The following ZNF708 variants were observed in gnomAD, a reference collection of about 807,000 sequenced individuals.
ZNF708 encodes ZNF15, ZNF15L1.
Under a neutral mutation model 47.0 loss-of-function variants are expected in ZNF708, and 44 were observed. The observed-to-expected ratio is 0.94, with a 90% CI of 0.74 to 1.20. The LOEUF (loss-of-function observed/expected upper bound fraction) is 1.20. ZNF708 is among the 50% of genes most tolerant of loss of function. The pLI is 0.00. For missense variants in ZNF708, 557 were observed against 656.0 expected, an observed-to-expected ratio of 0.85 and a Z score of 1.65; for synonymous variants, 184 against 218.5, an observed-to-expected ratio of 0.84 and a Z score of 1.39.
intron 1 of ZNF708, among the ~76,000 whole-genome samples, chr19:21,324,135 T>C (rs959737292): frequency 2.0e-5 from 3 of 151,786 alleles, no homozygotes; most frequent in Admixed American, 1.3e-4. Flanking sequence ...TCCCTGCTAC[T>C]GGGTAGGCTG....
chr19:21,329,063 A>C, intron 1 of ZNF708, 147 bp downstream of exon 1: 4 of 1,241,794 alleles, frequency 3.2e-6, no homozygotes, highest in Non-Finnish European at 4.6e-6. Context: ...CTTATGGCTG[A>C]AGGGGACTGA....
chr19:21,294,869 CA>C, intron 3 of ZNF708, 130 bp from the exon 4 acceptor site: 4 of 898,274 alleles, frequency 4.5e-6, no homozygotes, highest in Non-Finnish European at 6.3e-6. Flanking sequence ...CCTTTATAGA[CA>C]TATAAATGTA....
rs1972398773 is a variant in ZNF708 at position 21,291,741 on chromosome 19, T to G, written c.*1533A>C. 6.6e-6 allele frequency: 1 copy of G among 152,134 alleles called. No homozygotes were observed. The highest frequency in any genetic ancestry group is 2.1e-4 in the South Asian group (1 of 4,794). The allele number at this position is 152,134 out of a possible 1,614,324, so 9.4% of individuals were successfully genotyped here. ...TCAGCCGGACGTGGTGGTGTGCACC[T>G]GTAATCTCAGCTACTCAGTAGGCTG... On this transcript the variant is annotated 3_prime_UTR_variant, in exon 4 of 4. Transcript: ENST00000356929.
intron 2 of ZNF708, among the ~76,000 whole-genome samples, 192 bp from the exon 3 acceptor site, chr19:21,309,533 C>T (rs987895641): frequency 1.3e-5 from 2 of 151,950 alleles, no homozygotes; most frequent in African/African-American, 4.8e-5. Context: ...CATGGCAAAA[C>T]CTTGTCTCTA....
intron 2 of ZNF708, 23 bp downstream of exon 2, chr19:21,310,476 TAA>T (rs34067558): frequency 1.2e-3 from 1,213 of 1,019,110 alleles, no homozygotes; most frequent in Middle Eastern, 2.6e-3. Context: ...TAATAAAAAT[TAA>T]AAAAAAAAAA....
chr19:21,309,538 T>C (rs1599679347), intron 2 of ZNF708, among the ~76,000 whole-genome samples, 197 bp from the exon 3 acceptor site: 1 of 151,930 alleles, frequency 6.6e-6, no homozygotes, highest in African/African-American at 2.4e-5. Flanking sequence ...CAAAACCTTG[T>C]CTCTACTGAA....
At chr19:21,316,000 C>T (rs1247356446) in intron 1 of ZNF708, among the ~76,000 whole-genome samples, 4 of 146,914 alleles carry the variant, frequency 2.7e-5, no homozygotes, top group Admixed American at 6.9e-5. Context: ...ACCTGGGAGG[C>T]GGAGATTGCA....
At chr19:21,316,133 C>CTTTTTTTTTTTTTTTT (rs544312163) in intron 1 of ZNF708, among the ~76,000 whole-genome samples, 1 of 105,488 alleles carries the variant, frequency 9.5e-6, no homozygotes, top group Non-Finnish European at 1.8e-5. Flanking sequence ...TTTCTTTTTT[C>CTTTTTTTTTTTTTTTT]TTTTTTTTTT....
chr19:21,313,300 A>C (rs1055586437), intron 1 of ZNF708, among the ~76,000 whole-genome samples: 9 of 151,744 alleles, frequency 5.9e-5, no homozygotes, highest in Admixed American at 3.9e-4. Context: ...AAAAAAAAAA[A>C]AAAAAGTATG....
At position 21,294,506 on chromosome 19, in the gene ZNF708, T is replaced by G. The variant is rs774462730; in HGVS notation, c.460A>C (p.Asn154His). The G allele has an allele frequency of 6.2e-7, 1 of 1,614,044 alleles. No individual in the cohort carries two copies. The highest frequency in any genetic ancestry group is 1.3e-5 in the African/African-American group (1 of 74,948). Reference protein sequence around the residue: ...KYVKVFHKYSNAKRHKIRHTG... With the variant: ...KYVKVFHKYSHAKRHKIRHTG... Reference sequence around the variant, plus strand: ...TGTCTTATCTTATGTCTCTTTGCATTTGAATATTTATGAAAGACTTTCACG... The same window carrying G: ...TGTCTTATCTTATGTCTCTTTGCATGTGAATATTTATGAAAGACTTTCACG... The change falls in exon 4 of 4, where the codon AAT becomes CAT. Residue 154 changes from asparagine to histidine, a missense_variant. By Grantham distance (68) the Asn-to-His change is moderately conservative. Coordinates refer to ENST00000356929, the MANE Select transcript of ZNF708 (RefSeq NM_021269.3).
intron 3 of ZNF708, among the ~76,000 whole-genome samples, chr19:21,296,992 G>C (rs1397952735): frequency 6.6e-6 from 1 of 151,288 alleles, no homozygotes; most frequent in African/African-American, 2.4e-5. Flanking sequence ...AATTAGCTGG[G>C]CGTGGTGGTG....
At chr19:21,307,547 G>T (rs539905406) in intron 3 of ZNF708, among the ~76,000 whole-genome samples, 8 of 152,162 alleles carry the variant, frequency 5.3e-5, no homozygotes, top group African/African-American at 1.9e-4. Flanking sequence ...ACTTGAACCC[G>T]GGAGGCGGAG....
At chr19:21,303,824 TATA>T (rs1411245957) in intron 3 of ZNF708, among the ~76,000 whole-genome samples, 1 of 151,806 alleles carries the variant, frequency 6.6e-6, no homozygotes, top group Non-Finnish European at 1.5e-5. Context: ...ATTGATATTA[TATA>T]ATAATAAAAT....
chr19:21,320,124 C>T (rs1599688751), intron 1 of ZNF708, among the ~76,000 whole-genome samples: 1 of 151,820 alleles, frequency 6.6e-6, no homozygotes, highest in Non-Finnish European at 1.5e-5. Context: ...TGAAGTAGGC[C>T]AAGATCATGC....
At chr19:21,305,447 A>T (rs994153357) in intron 3 of ZNF708, among the ~76,000 whole-genome samples, 11 of 149,866 alleles carry the variant, frequency 7.3e-5, no homozygotes, top group Admixed American at 2.0e-4. Context: ...AATATAGTTT[A>T]TTTTTTTATT....
At chr19:21,321,430 A>C (rs1973134146) in intron 1 of ZNF708, among the ~76,000 whole-genome samples, 1 of 152,016 alleles carries the variant, frequency 6.6e-6, no homozygotes, top group Non-Finnish European at 1.5e-5. Flanking sequence ...TCAACTAAAA[A>C]TACAGAAATT....
chr19:21,327,263 C>T (rs1470209456), intron 1 of ZNF708, among the ~76,000 whole-genome samples: 1 of 152,088 alleles, frequency 6.6e-6, no homozygotes, highest in African/African-American at 2.4e-5. Flanking sequence ...GGCGCGGTGG[C>T]TCACGCCTGT....
At chr19:21,295,739 C>T (rs1972515043) in intron 3 of ZNF708, among the ~76,000 whole-genome samples, 1 of 151,536 alleles carries the variant, frequency 6.6e-6, no homozygotes, top group Non-Finnish European at 1.5e-5. Context: ...GAGCAAAACT[C>T]CATCTCAAAA....
intron 1 of ZNF708, among the ~76,000 whole-genome samples, chr19:21,316,933 T>A (rs1973026970): frequency 6.6e-6 from 1 of 151,866 alleles, no homozygotes; most frequent in Non-Finnish European, 1.5e-5. Flanking sequence ...ATTACAGGCG[T>A]GTGCCACCAC....
Sources: allele counts gnomAD v4.1 joint callset (sites outside exome capture counted in the v4.1 genomes callset), GRCh38; gene constraint gnomAD v4.1.1; transcripts MANE v1.5; gene names NCBI Gene and HGNC (gene_info 2026-07-23, HGNC 2026-07-21).